Variants in FLNB observed in about 807,000 individuals in gnomAD.
FLNB encodes the protein filamin-B.
A neutral mutation model predicts 250.6 loss-of-function variants in FLNB; 111 were observed. The ratio of observed to expected loss-of-function variants is 0.44; its 90% CI spans 0.38 to 0.52. The LOEUF is 0.52. Ranked by LOEUF, FLNB falls within the 20% of genes least tolerant of loss-of-function variation. The pLI is 0.00. For synonymous variants in FLNB, 1,302 were observed against 1,372.1 expected, an observed-to-expected ratio of 0.95 and a Z score of 1.13; for missense variants, 2,869 against 3,447.8, an observed-to-expected ratio of 0.83 and a Z score of 4.20.
chr3:58,154,896 C>A lies in FLNB; in HGVS notation c.6740C>A (p.Ser2247Ter). 2 of 1,613,962 alleles carry A rather than the reference C, an allele frequency of 1.2e-6. No homozygotes were observed. Among genetic ancestry groups the A allele is most frequent in the South Asian group, 1.1e-5 (1 of 91,046 alleles). ...ACATTCGATGACCATAAAAATGGGTCGTGCGGTGTATCTTATATTGCCCAA... is the reference window on the plus strand; with the variant it reads ...ACATTCGATGACCATAAAAATGGGTAGTGCGGTGTATCTTATATTGCCCAA... ...EITFDDHKNG[S>*]CGVSYIAQEP... Residue 2247 changes from serine to a stop codon, truncating the protein, a stop_gained, in exon 40 of 46, where the codon TCG becomes TAG. Transcript: ENST00000295956. LOFTEE classifies it high-confidence loss of function.
intron 3 of FLNB, among the ~76,000 whole-genome samples, chr3:58,080,837 A>G (rs1418342806): frequency 6.8e-6 from 1 of 147,520 alleles, no homozygotes; most frequent in Non-Finnish European, 1.5e-5. Context: ...TCTGTTACCC[A>G]GGCTGGAGTG....
intron 1 of FLNB, among the ~76,000 whole-genome samples, chr3:58,052,920 C>CG (rs2097164716): frequency 6.6e-6 from 1 of 152,240 alleles, no homozygotes; most frequent in African/African-American, 2.4e-5. Context: ...AGTTTGTGTG[C>CG]CTCCTCCATT....
intron 8 of FLNB, among the ~76,000 whole-genome samples, chr3:58,100,373 A>T (rs71311837): frequency 0.038 from 3,920 of 104,210 alleles, 202 homozygotes; most frequent in Middle Eastern, 0.067. Context: ...GTAAAAAAAA[A>T]ATATATATAT....
intron 42 of FLNB, among the ~76,000 whole-genome samples, chr3:58,160,623 A>G (rs920096399): frequency 6.6e-6 from 1 of 152,188 alleles, no homozygotes; most frequent in African/African-American, 2.4e-5. Context: ...GCCTTGATGT[A>G]TGAGGAGGAG....
intron 41 of FLNB, among the ~76,000 whole-genome samples, chr3:58,158,470 G>C (rs1012515884): frequency 1.3e-5 from 2 of 152,186 alleles, no homozygotes; most frequent in Non-Finnish European, 2.9e-5. Context: ...AGCATCACCT[G>C]AGAACTTCAG....
At chr3:58,012,193 G>A (rs1015213335) in intron 1 of FLNB, among the ~76,000 whole-genome samples, 26 of 138,052 alleles carry the variant, frequency 1.9e-4, no homozygotes, top group African/African-American at 7.3e-4. Context: ...CAGCCTGGGA[G>A]AGCGAGACTC....
At position 58,121,341 on chromosome 3, in the gene FLNB, C is replaced by T. The variant is rs565764216; in HGVS notation, c.2964C>T (p.Val988=). ...CAATCCTCAGCCCCTCTCGGAAGGTCGTGCCATGCCTAGTGACACCTGTGA... is the reference window on the plus strand; with the variant it reads ...CAATCCTCAGCCCCTCTCGGAAGGTTGTGCCATGCCTAGTGACACCTGTGA... ...DVTILSPSRK[V]VPCLVTPVTG... is the part of the protein sequence containing the mutation. Residue 988 remains valine, a synonymous_variant, in exon 20 of 46, where the codon GTC becomes GTT. Coordinates refer to ENST00000295956, the MANE Select transcript of FLNB (RefSeq NM_001457.4). The T allele has an allele frequency of 1.2e-5, 20 of 1,613,974 alleles. No individual in the cohort carries two copies. Among genetic ancestry groups the T allele is most frequent in the South Asian group, 2.2e-5 (2 of 91,070 alleles).
chr3:58,055,519 A>G (rs772544095), intron 1 of FLNB, among the ~76,000 whole-genome samples: 83 of 152,276 alleles, frequency 5.5e-4, no homozygotes, highest in Non-Finnish European at 1.0e-3. Flanking sequence ...TCTGTGTCTC[A>G]TTTGACAAAT....
intron 43 of FLNB, among the ~76,000 whole-genome samples, chr3:58,167,141 A>G (rs547777577): frequency 7.2e-5 from 11 of 152,312 alleles, no homozygotes; most frequent in African/African-American, 2.6e-4. Context: ...CAATCAATCA[A>G]TAAAATATCT....
Position 58,126,608 on chromosome 3 carries a change from A to C in FLNB, c.4068A>C (p.Ala1356=), listed in dbSNP as rs1317551276. The change falls in exon 24 of 46, where the codon GCA becomes GCC. Residue 1356 remains alanine, a synonymous_variant. Coordinates refer to ENST00000295956, the MANE Select transcript of FLNB (RefSeq NM_001457.4). ...PNVFTVVTRG[A]GIGGLGITVE... ...TCTTTTCCACTCTTTCCAGAGGCGC[A>C]GGAATTGGTGGGCTTGGCATAACTG... 1 of 1,613,928 alleles carries C rather than the reference A, an allele frequency of 6.2e-7. No homozygotes were observed. The highest frequency in any genetic ancestry group is 1.7e-5 in the Admixed American group (1 of 60,016).
chr3:58,169,292 T>G lies in FLNB; in HGVS notation c.7418-298T>G, dbSNP rs1054520251. 2.2e-5 allele frequency: 10 copies of G among 449,866 alleles called. No homozygotes were observed. Among genetic ancestry groups the G allele is most frequent in the Admixed American group, 7.0e-5 (2 of 28,552 alleles). 27.9% of individuals were successfully genotyped at this position (449,866 alleles called of 1,614,324 possible). A position where few individuals can be genotyped will look rare whatever the true frequency, so the allele number is the denominator to read the frequency against. On this transcript the variant is annotated intron_variant, in intron 44 of 45. Transcript: ENST00000295956. The surrounding 1 kb of genome is among the most constrained non-coding windows in gnomAD (Gnocchi z 4.8). Reference sequence around the variant, plus strand: ...ACTATTTTATGTCAATAGAAAGATGTGAATTCCACAGGCACATCTTTGGTG... The same window carrying G: ...ACTATTTTATGTCAATAGAAAGATGGGAATTCCACAGGCACATCTTTGGTG...
chr3:58,170,462 T>A (rs1016365307), intron 45 of FLNB, 113 bp from the exon 46 acceptor site: 3 of 1,044,986 alleles, frequency 2.9e-6, no homozygotes, highest in Non-Finnish European at 4.4e-6. Context: ...CTCCCACCTC[T>A]TAGGGGCCCC....
chr3:58,031,397 C>G (rs1476431193), intron 1 of FLNB, among the ~76,000 whole-genome samples: 2 of 151,866 alleles, frequency 1.3e-5, no homozygotes, highest in South Asian at 2.1e-4. Context: ...CGCCCGCCAC[C>G]ACGCCTGGCT....
chr3:58,071,271 ATT>A (rs2097194059), intron 1 of FLNB, among the ~76,000 whole-genome samples: 1 of 110,658 alleles, frequency 9.0e-6, no homozygotes. Context: ...TCTCTCCTCG[ATT>A]CTTTTTTTTT....
intron 2 of FLNB, chr3:58,078,480 A>C: frequency 6.5e-7 from 1 of 1,536,212 alleles, no homozygotes; most frequent in Non-Finnish European, 8.7e-7. Context: ...GATAATCCCC[A>C]TCTTCATGCA....
intron 9 of FLNB, among the ~76,000 whole-genome samples, chr3:58,103,451 A>G (rs901637416): frequency 2.6e-5 from 4 of 152,252 alleles, no homozygotes; most frequent in Non-Finnish European, 4.4e-5. Flanking sequence ...GCAGCGTCAC[A>G]TCTAAAACCT....
intron 18 of FLNB, among the ~76,000 whole-genome samples, chr3:58,113,032 CGTG>C (rs1269607713): frequency 2.6e-5 from 4 of 152,120 alleles, no homozygotes; most frequent in Non-Finnish European, 4.4e-5. Flanking sequence ...AAATTTGTAT[CGTG>C]GTAAAATACA....
intron 15 of FLNB, 42 bp from the exon 16 acceptor site, chr3:58,109,968 C>G (rs2097265721): frequency 1.2e-6 from 2 of 1,611,392 alleles, no homozygotes; most frequent in South Asian, 2.2e-5. Flanking sequence ...ACAGGACATG[C>G]TGTTTCTTGT....
intron 1 of FLNB, among the ~76,000 whole-genome samples, chr3:58,012,568 C>G (rs960762583): frequency 9.2e-5 from 14 of 152,272 alleles, no homozygotes; most frequent in African/African-American, 2.9e-4. Flanking sequence ...TGGCTGGATA[C>G]CCACACTCTG....
Sources: allele counts gnomAD v4.1 joint callset (sites outside exome capture counted in the v4.1 genomes callset), GRCh38; gene constraint gnomAD v4.1.1; non-coding constraint Gnocchi (gnomAD v3.1); transcripts MANE v1.5; gene names NCBI Gene and HGNC (gene_info 2026-07-23, HGNC 2026-07-21).